Variants in PINX1 observed in about 807,000 individuals in gnomAD.
PINX1 encodes the protein PIN2 (TERF1) interacting telomerase inhibitor 1, also known as PIN2/TERF1-interacting telomerase inhibitor 1.
In PINX1, 34 loss-of-function variants were observed where a neutral mutation model predicts 25.4. That is an observed-to-expected ratio of 1.34 (90% CI 1.02 to 1.78). PINX1 has a LOEUF of 1.78. Ranked by LOEUF, PINX1 falls within the 40% of genes most tolerant of loss-of-function variation. The pLI, the probability that PINX1 is intolerant of heterozygous loss-of-function variation, is 0.00. For synonymous variants in PINX1, 197 were observed against 147.7 expected, an observed-to-expected ratio of 1.33 and a Z score of -2.42; for missense variants, 592 against 404.9, an observed-to-expected ratio of 1.46 and a Z score of -3.97.
At chr8:10,818,203 T>A (rs1797758283) in intron 6 of PINX1, among the ~76,000 whole-genome samples, 1 of 152,088 alleles carries the variant, frequency 6.6e-6, no homozygotes, top group Non-Finnish European at 1.5e-5. Context: ...CTAATGGAAA[T>A]CTCACACAAA....
At chr8:10,768,474 T>C (rs17152339) in intron 6 of PINX1, among the ~76,000 whole-genome samples, 1,966 of 152,306 alleles carry the variant, frequency 0.013, 38 homozygotes, top group African/African-American at 0.045. Flanking sequence ...AGTATGCTCA[T>C]ATGCTCATCA....
chr8:10,765,981 G>C, intron 6 of PINX1, 65 bp from the exon 7 acceptor site: 3 of 1,525,990 alleles, frequency 2.0e-6, no homozygotes, highest in Non-Finnish European at 2.7e-6. Flanking sequence ...CCGCACCCAG[G>C]AGGCACCCAC....
chr8:10,792,531 G>A (rs1189756340), intron 6 of PINX1, among the ~76,000 whole-genome samples: 1 of 152,050 alleles, frequency 6.6e-6, no homozygotes, highest in African/African-American at 2.4e-5. Flanking sequence ...AGAGCGCCTG[G>A]CACCCGCCAT....
intron 6 of PINX1, among the ~76,000 whole-genome samples, chr8:10,767,427 G>T (rs1801089493): frequency 6.6e-6 from 1 of 152,016 alleles, no homozygotes; most frequent in African/African-American, 2.4e-5. Flanking sequence ...AAATCATGTG[G>T]TCAATTCTGG....
At chr8:10,822,522 G>A (rs769422425) in intron 5 of PINX1, among the ~76,000 whole-genome samples, 6 of 152,194 alleles carry the variant, frequency 3.9e-5, no homozygotes, top group Non-Finnish European at 7.3e-5. Context: ...GGATGAGCAG[G>A]TACTTTCAAG....
rs532912953 is a variant in PINX1 at position 10,777,746 on chromosome 8, C to T, written c.472-11830G>A. Among the ~76,000 whole-genome samples the T allele has an allele frequency of 1.3e-3, 201 of 152,252 alleles. 1 individual carries two copies. The highest frequency in any genetic ancestry group is 4.6e-3 in the African/African-American group (193 of 41,562). On this transcript the variant is annotated intron_variant, in intron 6 of 6. Transcript: ENST00000314787. ...GGAGAGATGTTTTTATAAGGACTTC[C>T]GTTCTGGTTAGAATGAACCACCACT...
chr8:10,799,877 G>T (rs893100460), intron 6 of PINX1, among the ~76,000 whole-genome samples: 4 of 152,176 alleles, frequency 2.6e-5, no homozygotes, highest in African/African-American at 9.7e-5. Flanking sequence ...AAGCTGAATA[G>T]GGAACATGTT....
intron 6 of PINX1, among the ~76,000 whole-genome samples, chr8:10,808,263 GA>G (rs1044059215): frequency 1.1e-4 from 17 of 152,192 alleles, no homozygotes; most frequent in Non-Finnish European, 1.5e-5. Context: ...TTATGACATG[GA>G]AAAATGTCAA....
chr8:10,822,358 C>A (rs1797904139), intron 5 of PINX1, among the ~76,000 whole-genome samples: 1 of 152,062 alleles, frequency 6.6e-6, no homozygotes. Flanking sequence ...TCAAATCATA[C>A]AAAATACTGT....
rs922520252 is a variant in PINX1, at chr8:10,834,444, T to C, written c.129+222A>G. On this transcript the variant is annotated intron_variant, in intron 2 of 6. Coordinates refer to ENST00000314787, the MANE Select transcript of PINX1 (RefSeq NM_017884.6). ...AAAAGCGTGTAGCCTAGTTGCAATG[T>C]CTATGAAAGATGCTAAGCATGGCAG... is the stretch of plus-strand genomic sequence containing the variant. 3 of 604,424 alleles carry C rather than the reference T, an allele frequency of 5.0e-6. No individual in the cohort carries two copies. In the Admixed American group the frequency reaches 1.0e-4, roughly 20 times the overall value. 37.4% of individuals were successfully genotyped at this position (604,424 alleles called of 1,614,324 possible). A position where few individuals can be genotyped will look rare whatever the true frequency, so the allele number is the denominator to read the frequency against.
chr8:10,781,401 T>C (rs926934182), intron 6 of PINX1, among the ~76,000 whole-genome samples: 81 of 152,204 alleles, frequency 5.3e-4, no homozygotes, highest in African/African-American at 1.9e-3. Flanking sequence ...ATCAACACAA[T>C]GAAAAGGCAA....
intron 5 of PINX1, among the ~76,000 whole-genome samples, chr8:10,824,649 C>T (rs1797981548): frequency 6.6e-6 from 1 of 152,234 alleles, no homozygotes; most frequent in Admixed American, 6.5e-5. Flanking sequence ...ATTACAGAGG[C>T]TTATCCCAGC....
At chr8:10,835,445 CATT>C (rs1051187701) in intron 1 of PINX1, among the ~76,000 whole-genome samples, 3 of 152,174 alleles carry the variant, frequency 2.0e-5, no homozygotes, top group South Asian at 2.1e-4. Flanking sequence ...ATACAATAGT[CATT>C]ATGCTCTTGG....
intron 6 of PINX1, among the ~76,000 whole-genome samples, chr8:10,775,747 A>T (rs2129072385): frequency 6.6e-6 from 1 of 152,366 alleles, no homozygotes; most frequent in East Asian, 1.9e-4. Context: ...CAACTGACAG[A>T]ACATGTGATC....
At chr8:10,787,505 C>A in intron 6 of PINX1, 1 of 203,842 alleles carries the variant, frequency 4.9e-6, no homozygotes, top group African/African-American at 2.4e-5. Flanking sequence ...GGATTACAGG[C>A]GTGAGCTACC....
At chr8:10,812,198 C>T (rs952601524) in intron 6 of PINX1, among the ~76,000 whole-genome samples, 1 of 152,166 alleles carries the variant, frequency 6.6e-6, no homozygotes, top group Non-Finnish European at 1.5e-5. Context: ...ACATCAAGAG[C>T]CTTTCACATT....
intron 6 of PINX1, among the ~76,000 whole-genome samples, chr8:10,805,383 GAT>G (rs1390792078): frequency 2.0e-5 from 3 of 152,240 alleles, no homozygotes; most frequent in African/African-American, 7.2e-5. Context: ...ATATTTCCAT[GAT>G]ACACTTTAGA....
At chr8:10,817,838 T>C (rs1264544724) in intron 6 of PINX1, among the ~76,000 whole-genome samples, 1 of 152,198 alleles carries the variant, frequency 6.6e-6, no homozygotes, top group African/African-American at 2.4e-5. Context: ...CCAGAAGCTC[T>C]CAGTACAGCT....
At chr8:10,808,872 T>C (rs1802537520) in intron 6 of PINX1, among the ~76,000 whole-genome samples, 1 of 151,940 alleles carries the variant, frequency 6.6e-6, no homozygotes, top group Non-Finnish European at 1.5e-5. Flanking sequence ...AAACACAGCC[T>C]AAAAAGCAAG....
Sources: allele counts gnomAD v4.1 joint callset (sites outside exome capture counted in the v4.1 genomes callset), GRCh38; gene constraint gnomAD v4.1.1; transcripts MANE v1.5; gene names NCBI Gene and HGNC (gene_info 2026-07-23, HGNC 2026-07-21).